Variants in DOCK3 observed in about 807,000 individuals in gnomAD.
The protein encoded by DOCK3 is dedicator of cytokinesis 3.
A neutral mutation model predicts 265.6 loss-of-function variants in DOCK3; 60 were observed. That is an observed-to-expected ratio of 0.23 (90% CI 0.18 to 0.28). DOCK3 has a LOEUF of 0.28. DOCK3 is among the 10% of genes least tolerant of loss of function. DOCK3 has a pLI of 1.00. For missense variants in DOCK3, 1,981 were observed against 2,594.3 expected (o/e 0.76, Z 5.14); for synonymous variants, 881 against 938.0 (o/e 0.94, Z 1.11).
At chr3:51,143,679 A>G (rs1267029713) in intron 9 of DOCK3, among the ~76,000 whole-genome samples, 1 of 151,952 alleles carries the variant, frequency 6.6e-6, no homozygotes, top group Non-Finnish European at 1.5e-5. Flanking sequence ...TCTTGTGTCC[A>G]TTTTTTATTT....
intron 3 of DOCK3, among the ~76,000 whole-genome samples, chr3:50,889,001 G>T (rs979404690): frequency 6.6e-6 from 1 of 151,060 alleles, no homozygotes; most frequent in African/African-American, 2.4e-5. Context: ...ATTGCTTATA[G>T]CCTTCATTTG....
chr3:51,176,187 A>G (rs2086941576), intron 12 of DOCK3, among the ~76,000 whole-genome samples: 1 of 152,234 alleles, frequency 6.6e-6, no homozygotes, highest in African/African-American at 2.4e-5. Flanking sequence ...GAAATTAACA[A>G]CAGGAGTCTT....
chr3:50,685,486 C>T lies in DOCK3; in HGVS notation c.37+10186C>T, dbSNP rs182806588. 9.2e-5 allele frequency: 14 copies of T among 152,690 alleles called. No homozygotes were observed. In the East Asian group the frequency reaches 9.6e-4, roughly 11 times the overall value. 9.5% of individuals were successfully genotyped at this position (152,690 alleles called of 1,614,324 possible). A position where few individuals can be genotyped will look rare whatever the true frequency, so the allele number is the denominator to read the frequency against. On this transcript the variant is annotated intron_variant, in intron 1 of 52. Transcript: ENST00000266037. ...TATTAATACAAAAAAGTGATTATGA[C>T]GGTTATGATGTTAATACAGGGATAT...
chr3:50,827,469 T>C (rs2044834393), intron 2 of DOCK3, among the ~76,000 whole-genome samples: 1 of 152,148 alleles, frequency 6.6e-6, no homozygotes, highest in Admixed American at 6.6e-5. Context: ...TTAATCCTGT[T>C]TATAAGGGCC....
At chr3:51,163,206 C>G (rs1228356805) in intron 12 of DOCK3, among the ~76,000 whole-genome samples, 2 of 152,178 alleles carry the variant, frequency 1.3e-5, no homozygotes, top group African/African-American at 4.8e-5. Context: ...ATGAAAACCT[C>G]TTACACAGTT....
At chr3:51,186,003 G>T (rs184703285) in intron 12 of DOCK3, among the ~76,000 whole-genome samples, 2 of 152,026 alleles carry the variant, frequency 1.3e-5, no homozygotes, top group Non-Finnish European at 2.9e-5. Context: ...CAGTAGAGTC[G>T]GGCACTGCTG....
In DOCK3 at chr3:51,315,119, C is replaced by A. The variant is rs1424910895; in HGVS notation, c.3393C>A (p.Asn1131Lys). Residue 1131 changes from asparagine (N) to lysine (K), a missense_variant, in exon 32 of 53, where the codon AAC (asparagine) becomes AAA (lysine). Transcript: ENST00000266037. The stretch of plus-strand genomic sequence containing the variant: ...ACTGGGAGCAGAGAAAAAATGGCAA[C>A]TTCAAACAGGTAAGACACCTGGCAG... ...MMDWEQRKNG[N>K]FKQVEAELID... is the part of the protein sequence containing the mutation. 3 of 1,608,712 alleles carry A rather than the reference C, an allele frequency of 1.9e-6. No individual in the cohort carries two copies. Among genetic ancestry groups the A allele is most frequent in the East Asian group, 2.2e-5 (1 of 44,616 alleles).
At chr3:51,377,746 G>A (rs1432761209) in intron 51 of DOCK3, among the ~76,000 whole-genome samples, 1 of 152,288 alleles carries the variant, frequency 6.6e-6, no homozygotes, top group East Asian at 1.9e-4. Context: ...GCACCCTTTT[G>A]TAAACCATTA....
At chr3:50,856,539 G>GT (rs1157786225) in intron 3 of DOCK3, among the ~76,000 whole-genome samples, 4 of 150,734 alleles carry the variant, frequency 2.7e-5, no homozygotes, top group Admixed American at 1.3e-4. Context: ...GGGGTTATTT[G>GT]TTTTTTTTCT....
In DOCK3 at chr3:51,182,921, A is replaced by G. The variant is rs151269786; in HGVS notation, c.1037+22219A>G. Among the ~76,000 whole-genome samples, 3 of 152,294 alleles carry G rather than the reference A, an allele frequency of 2.0e-5. No individual in the cohort carries two copies. In the East Asian group the frequency reaches 5.8e-4, roughly 29 times the overall value. On this transcript the variant is annotated intron_variant, in intron 12 of 52. Transcript: ENST00000266037. Reference sequence around the variant, plus strand: ...AATTGGTGGTGTACCTTCAGTGAGAACTTGATCAGCAAACAGCCCATTCCT... The same window carrying G: ...AATTGGTGGTGTACCTTCAGTGAGAGCTTGATCAGCAAACAGCCCATTCCT...
Position 51,011,791 on chromosome 3 carries a change from G to T in DOCK3, c.316-52657G>T, listed in dbSNP as rs180687000. ...TGGTCTTTGATGATGGTGACGTACA[G>T]ATGGGGTTTTGGTGTGGATGTCCTT... On this transcript the variant is annotated intron_variant, in intron 5 of 52. Transcript: ENST00000266037. Among the ~76,000 whole-genome samples, 123 of 152,296 alleles carry T rather than the reference G, an allele frequency of 8.1e-4. 2 individuals carry two copies. The highest frequency in any genetic ancestry group is 6.8e-3 in the Middle Eastern group (2 of 294).
chr3:51,152,284 T>C (rs1289177029), intron 10 of DOCK3, among the ~76,000 whole-genome samples: 2 of 152,212 alleles, frequency 1.3e-5, no homozygotes, highest in Non-Finnish European at 2.9e-5. Flanking sequence ...TTGATCAAAT[T>C]GGCTATTGAA....
intron 14 of DOCK3, among the ~76,000 whole-genome samples, chr3:51,214,865 T>C (rs2089697719): frequency 6.6e-6 from 1 of 152,086 alleles, no homozygotes; most frequent in Non-Finnish European, 1.5e-5. Context: ...GTGGTCCCAG[T>C]AGGTCAGTAT....
At chr3:51,301,886 G>A (rs2082379322) in intron 27 of DOCK3, among the ~76,000 whole-genome samples, 1 of 152,134 alleles carries the variant, frequency 6.6e-6, no homozygotes, top group Admixed American at 6.5e-5. Context: ...GCCATGTGGT[G>A]CCAAGAAGAA....
At chr3:50,742,436 T>C (rs1364413966) in intron 1 of DOCK3, among the ~76,000 whole-genome samples, 5 of 151,036 alleles carry the variant, frequency 3.3e-5, no homozygotes, top group African/African-American at 9.7e-5. Flanking sequence ...GCAAAGAAGT[T>C]GAAAACTTTG....
chr3:50,787,615 C>T lies in DOCK3; in HGVS notation c.121+8857C>T, dbSNP rs915969895. 1.4e-5 allele frequency: 17 copies of T among 1,244,902 alleles called. No individual in the cohort carries two copies. The East Asian group carries it at 1.7e-4, about 12-fold the overall frequency. The allele number at this position is 1,244,902 out of a possible 1,614,324, so 77.1% of individuals were successfully genotyped here. ...TGGTGCTTCAGGCTCCTTTGTTTCC[C>T]GCTTCTTACGCTTAGGTGGCTCTGC... On this transcript the variant is annotated intron_variant, in intron 2 of 52. Transcript: ENST00000266037.
intron 12 of DOCK3, among the ~76,000 whole-genome samples, chr3:51,205,845 T>G (rs940758280): frequency 6.6e-6 from 1 of 152,256 alleles, no homozygotes; most frequent in Non-Finnish European, 1.5e-5. Context: ...TTGGCAGTTC[T>G]GCAAAGCTAA....
rs769251462 is a variant in DOCK3 at position 51,270,944 on chromosome 3, A to G, written c.2485A>G (p.Met829Val). ...MPSTVHIGQS[M>V]DVVKLQSIAR... is the part of the protein sequence containing the mutation. ...CAGCACTGTGCACATTGGGCAGTCA[A>G]TGGACGTGGTCAAGCTGCAGTCCAT... The change falls in exon 24 of 53, where the codon ATG becomes GTG. Residue 829 changes from methionine to valine, a missense_variant. By Grantham distance (21) the Met-to-Val change is conservative. Around this residue, in one of 4 missense-constraint regions of DOCK3, gnomAD observed 1,357 missense variants for 1,866.8 expected, o/e 0.73. Transcript: ENST00000266037. 3 of 1,614,002 alleles carry G rather than the reference A, an allele frequency of 1.9e-6. No individual in the cohort carries two copies. Among genetic ancestry groups the G allele is most frequent in the Non-Finnish European group, 2.5e-6 (3 of 1,179,898 alleles).
chr3:51,050,039 G>C (rs186625909), intron 5 of DOCK3, among the ~76,000 whole-genome samples: 1 of 152,124 alleles, frequency 6.6e-6, no homozygotes, highest in Non-Finnish European at 1.5e-5. Context: ...AAAAAATACA[G>C]CTTTGATGAC....
Sources: gnomAD v4.1 joint callset for allele counts (sites outside exome capture counted in the v4.1 genomes callset) on GRCh38, gnomAD v4.1.1 for gene constraint, gnomAD v4.1.1 regional missense constraint, MANE v1.5 for transcripts, NCBI Gene and HGNC (gene_info 2026-07-23, HGNC 2026-07-21) for gene names.